Variants in PTPN13 observed in about 807,000 individuals in gnomAD.
The protein encoded by PTPN13 is protein tyrosine phosphatase non-receptor type 13.
In PTPN13, 191 loss-of-function variants were observed where a neutral mutation model predicts 284.0. The ratio of observed to expected loss-of-function variants is 0.67; its 90% CI spans 0.60 to 0.76. The LOEUF (loss-of-function observed/expected upper bound fraction) is 0.76. Ranked by LOEUF, PTPN13 falls within the 30% of genes least tolerant of loss-of-function variation. PTPN13 has a pLI of 0.00. For missense variants in PTPN13, 2,797 were observed against 2,939.9 expected, an observed-to-expected ratio of 0.95 and a Z score of 1.12; for synonymous variants, 986 against 1,022.3, an observed-to-expected ratio of 0.96 and a Z score of 0.68.
intron 42 of PTPN13, among the ~76,000 whole-genome samples, chr4:86,803,014 A>C (rs1254733816): frequency 6.6e-6 from 1 of 151,046 alleles, no homozygotes; most frequent in Non-Finnish European, 1.5e-5. Flanking sequence ...TTGACATTGC[A>C]TTGAGCTGTG....
At chr4:86,619,089 C>T (rs1035671760) in intron 1 of PTPN13, among the ~76,000 whole-genome samples, 1 of 152,104 alleles carries the variant, frequency 6.6e-6, no homozygotes, top group Non-Finnish European at 1.5e-5. Context: ...GACACTCTCT[C>T]ACAATGCCAA....
intron 1 of PTPN13, among the ~76,000 whole-genome samples, chr4:86,607,283 T>C (rs988478646): frequency 6.6e-6 from 1 of 151,912 alleles, no homozygotes; most frequent in Non-Finnish European, 1.5e-5. Flanking sequence ...CTATGATGTC[T>C]ATAAATAGGA....
chr4:86,772,727 T>C, intron 31 of PTPN13, 51 bp from the exon 32 acceptor site: 2 of 1,439,194 alleles, frequency 1.4e-6, no homozygotes, highest in Non-Finnish European at 1.9e-6. Flanking sequence ...AAACTAACCA[T>C]ATTGACATTG....
chr4:86,614,255 CAG>C (rs1474964457), intron 1 of PTPN13, among the ~76,000 whole-genome samples: 4 of 152,044 alleles, frequency 2.6e-5, no homozygotes, highest in South Asian at 2.1e-4. Context: ...CATTTATAAA[CAG>C]AACAAAATAA....
chr4:86,723,146 A>G (rs1033053207), intron 10 of PTPN13, among the ~76,000 whole-genome samples: 4 of 152,228 alleles, frequency 2.6e-5, no homozygotes, highest in African/African-American at 7.2e-5. Context: ...GTTATAAAAT[A>G]CTTTATTATG....
chr4:86,623,944 A>G (rs1358255855), intron 1 of PTPN13, among the ~76,000 whole-genome samples: 2 of 152,160 alleles, frequency 1.3e-5, no homozygotes, highest in Non-Finnish European at 2.9e-5. Context: ...TCTTCTCCAT[A>G]GGACCAGTTA....
At chr4:86,789,755 G>A (rs527669422) in intron 40 of PTPN13, among the ~76,000 whole-genome samples, 1 of 151,940 alleles carries the variant, frequency 6.6e-6, no homozygotes, top group Non-Finnish European at 1.5e-5. Context: ...AGAAACTGAA[G>A]GCCAATCTTC....
intron 15 of PTPN13, 129 bp downstream of exon 15, chr4:86,735,875 G>C: frequency 1.3e-6 from 1 of 789,930 alleles, no homozygotes; most frequent in Non-Finnish European, 1.9e-6. Flanking sequence ...CTCATTGCTG[G>C]CTAAAATTAT....
At chr4:86,658,225 C>T (rs535025825) in intron 2 of PTPN13, among the ~76,000 whole-genome samples, 4 of 152,320 alleles carry the variant, frequency 2.6e-5, no homozygotes, top group East Asian at 1.9e-4. Flanking sequence ...TCTGCTATGA[C>T]AGAGCAGCAC....
intron 2 of PTPN13, among the ~76,000 whole-genome samples, chr4:86,648,911 A>C (rs1041061123): frequency 6.6e-6 from 1 of 152,008 alleles, no homozygotes; most frequent in Admixed American, 6.5e-5. Context: ...TTTCTTTTTT[A>C]TACAAGTCAT....
At chr4:86,676,095 A>T (rs1728247213) in intron 3 of PTPN13, among the ~76,000 whole-genome samples, 1 of 152,156 alleles carries the variant, frequency 6.6e-6, no homozygotes, top group African/African-American at 2.4e-5. Context: ...AAAACAACGA[A>T]ATGCCCTTAA....
intron 1 of PTPN13, among the ~76,000 whole-genome samples, chr4:86,627,061 C>A (rs1255037434): frequency 1.3e-5 from 2 of 152,056 alleles, no homozygotes; most frequent in African/African-American, 2.4e-5. Flanking sequence ...CATGCTATAA[C>A]ATGGATGAAC....
At chr4:86,741,324 G>A (rs530696207) in intron 15 of PTPN13, among the ~76,000 whole-genome samples, 3 of 152,326 alleles carry the variant, frequency 2.0e-5, no homozygotes, top group African/African-American at 7.2e-5. Context: ...TGACTGAGGA[G>A]GCCTCACAAT....
intron 40 of PTPN13, among the ~76,000 whole-genome samples, chr4:86,791,001 G>A (rs1412072895): frequency 6.6e-6 from 1 of 152,106 alleles, no homozygotes; most frequent in East Asian, 1.9e-4. Flanking sequence ...TTGGACAGTG[G>A]GTGCAGCCTA....
intron 7 of PTPN13, among the ~76,000 whole-genome samples, chr4:86,712,421 T>C (rs968386670): frequency 6.6e-6 from 1 of 151,718 alleles, no homozygotes; most frequent in East Asian, 1.9e-4. Flanking sequence ...TCTCCATATA[T>C]ACCACTGCAA....
At chr4:86,643,551 G>A (rs899351393) in intron 2 of PTPN13, among the ~76,000 whole-genome samples, 1 of 152,060 alleles carries the variant, frequency 6.6e-6, no homozygotes, top group Admixed American at 6.6e-5. Flanking sequence ...TATCAGCAAA[G>A]TTTAGTGAAT....
chr4:86,637,411 A>C, intron 2 of PTPN13, among the ~76,000 whole-genome samples: 1 of 151,720 alleles, frequency 6.6e-6, no homozygotes, highest in African/African-American at 2.4e-5. Flanking sequence ...CTTGATGAAC[A>C]TTGATGCAAA....
rs544000095 is a variant in PTPN13, at chr4:86,778,634, A to G, written c.5892-1768A>G. 5.3e-5 allele frequency among the ~76,000 whole-genome samples: 8 copies of G among 152,206 alleles called. 1 individual carries two copies. The highest frequency in any genetic ancestry group is 4.1e-4 in the South Asian group (2 of 4,830). On this transcript the variant is annotated intron_variant, in intron 35 of 47. Coordinates refer to ENST00000411767, the MANE Select transcript of PTPN13 (RefSeq NM_080683.3). Reference sequence around the variant, plus strand: ...CATCAAACCAACCAATCAACCAAACAAAGAATAAATTCCACAATGAAAGCA... The same window carrying G: ...CATCAAACCAACCAATCAACCAAACGAAGAATAAATTCCACAATGAAAGCA...
chr4:86,666,683 C>T (rs534280373), intron 2 of PTPN13, among the ~76,000 whole-genome samples: 1 of 152,154 alleles, frequency 6.6e-6, no homozygotes, highest in South Asian at 2.1e-4. Flanking sequence ...GGGAGTGTAC[C>T]AAATTTTGTA....
Sources: gnomAD v4.1 joint callset for allele counts (sites outside exome capture counted in the v4.1 genomes callset) on GRCh38, gnomAD v4.1.1 for gene constraint, MANE v1.5 for transcripts, NCBI Gene and HGNC (gene_info 2026-07-23, HGNC 2026-07-21) for gene names.